Variants in THSD7A observed in about 807,000 individuals in gnomAD.
THSD7A encodes the protein thrombospondin type 1 domain containing 7A.
In THSD7A, 96 loss-of-function variants were observed where a neutral mutation model predicts 231.3. The observed-to-expected ratio is 0.41, with a 90% confidence interval of 0.35 to 0.49. THSD7A has a LOEUF of 0.49. THSD7A is among the 20% of genes least tolerant of loss of function. The pLI is 0.05. For missense variants in THSD7A, 2,290 were observed against 2,070.2 expected (o/e 1.11, Z -2.06); for synonymous variants, 940 against 743.3 (o/e 1.26, Z -4.30).
chr7:11,576,966 T>C (rs566437749), intron 4 of THSD7A, among the ~76,000 whole-genome samples: 92 of 152,314 alleles, frequency 6.0e-4, no homozygotes, highest in African/African-American at 2.2e-3. Context: ...GCGAGTATGC[T>C]TGCAATGAGT....
intron 2 of THSD7A, among the ~76,000 whole-genome samples, chr7:11,620,297 T>G (rs766705287): frequency 2.0e-5 from 3 of 152,218 alleles, no homozygotes; most frequent in Non-Finnish European, 4.4e-5. Context: ...TAGAAAAATT[T>G]CACAAACACT....
At position 11,390,599 on chromosome 7, in the gene THSD7A, G is replaced by A. The variant is rs544541819; in HGVS notation, c.4412-7983C>T. On this transcript the variant is annotated intron_variant, in intron 23 of 27. Transcript: ENST00000423059. ...GTTATTACCCACCTTCTGTCAATTC[G>A]TCAAACTTATTCTCTGTCCAGTTTT... Among the ~76,000 whole-genome samples the A allele has an allele frequency of 1.3e-3, 201 of 149,960 alleles. 1 individual carries two copies. The highest frequency in any genetic ancestry group is 0.01 in the Middle Eastern group (3 of 292).
intron 11 of THSD7A, among the ~76,000 whole-genome samples, chr7:11,449,340 T>G (rs2128295180): frequency 6.6e-6 from 1 of 152,200 alleles, no homozygotes; most frequent in South Asian, 2.1e-4. Flanking sequence ...CCAATCCAGA[T>G]AATGAGATAC....
chr7:11,382,466 T>C, intron 24 of THSD7A, 55 bp downstream of exon 24: 2 of 1,371,604 alleles, frequency 1.5e-6, no homozygotes, highest in Non-Finnish European at 2.1e-6. Context: ...CTTCAACCAA[T>C]CACATGTGTG....
chr7:11,412,853 T>C (rs1402371118), intron 17 of THSD7A, 53 bp from the exon 18 acceptor site: 10 of 1,570,558 alleles, frequency 6.4e-6, no homozygotes, highest in African/African-American at 5.4e-5. Context: ...GCTACACAAC[T>C]GGTATATTAG....
chr7:11,760,452 G>A (rs1782818008), intron 1 of THSD7A, among the ~76,000 whole-genome samples: 2 of 152,036 alleles, frequency 1.3e-5, no homozygotes, highest in African/African-American at 2.4e-5. Context: ...TCCTCATTAT[G>A]TGAATGTTCC....
At chr7:11,596,791 G>A (rs113963182) in intron 2 of THSD7A, among the ~76,000 whole-genome samples, 1,889 of 152,324 alleles carry the variant, frequency 0.012, 16 homozygotes, top group Non-Finnish European at 0.017. Context: ...AATTGCAGCT[G>A]CTATACCAGA....
At chr7:11,755,270 G>A (rs1782634465) in intron 1 of THSD7A, among the ~76,000 whole-genome samples, 2 of 152,050 alleles carry the variant, frequency 1.3e-5, no homozygotes, top group South Asian at 4.1e-4. Flanking sequence ...TATATGATAG[G>A]AAGACATTTC....
chr7:11,799,338 T>C (rs1226457098), intron 1 of THSD7A, among the ~76,000 whole-genome samples: 2 of 152,204 alleles, frequency 1.3e-5, no homozygotes, highest in Non-Finnish European at 2.9e-5. Context: ...TGGAGAAACT[T>C]CTTTAGCACT....
chr7:11,633,314 T>C (rs1243296645), intron 2 of THSD7A, among the ~76,000 whole-genome samples: 1 of 152,192 alleles, frequency 6.6e-6, no homozygotes, highest in African/African-American at 2.4e-5. Flanking sequence ...CTAGTGTATG[T>C]GTAGTGATTT....
intron 1 of THSD7A, among the ~76,000 whole-genome samples, chr7:11,760,451 T>C (rs1470222942): frequency 6.6e-6 from 1 of 152,122 alleles, no homozygotes; most frequent in African/African-American, 2.4e-5. Context: ...TTCCTCATTA[T>C]GTGAATGTTC....
At chr7:11,415,755 C>T (rs1783938336) in intron 17 of THSD7A, among the ~76,000 whole-genome samples, 1 of 152,158 alleles carries the variant, frequency 6.6e-6, no homozygotes, top group South Asian at 2.1e-4. Flanking sequence ...CTTCAGAAAA[C>T]CTCCTTGCTT....
intron 1 of THSD7A, among the ~76,000 whole-genome samples, chr7:11,777,055 TC>T (rs1783430553): frequency 6.6e-6 from 1 of 152,188 alleles, no homozygotes; most frequent in Non-Finnish European, 1.5e-5. Flanking sequence ...TTTATCATTT[TC>T]AAGAACAAAG....
At chr7:11,607,471 T>G (rs1439288116) in intron 2 of THSD7A, among the ~76,000 whole-genome samples, 1 of 152,164 alleles carries the variant, frequency 6.6e-6, no homozygotes, top group Non-Finnish European at 1.5e-5. Flanking sequence ...TCAATAAAAT[T>G]GTTCAACATT....
intron 13 of THSD7A, among the ~76,000 whole-genome samples, chr7:11,431,986 A>G (rs1013632729): frequency 1.3e-5 from 2 of 152,140 alleles, no homozygotes; most frequent in Non-Finnish European, 2.9e-5. Context: ...GGAAAGTCAG[A>G]CCACCTTTAA....
chr7:11,786,042 C>T (rs912028836), intron 1 of THSD7A, among the ~76,000 whole-genome samples: 1 of 152,048 alleles, frequency 6.6e-6, no homozygotes, highest in Non-Finnish European at 1.5e-5. Flanking sequence ...TTCTTCCTCC[C>T]TTCTCTTATA....
intron 6 of THSD7A, among the ~76,000 whole-genome samples, chr7:11,537,304 T>A (rs141222333): frequency 6.6e-6 from 1 of 152,162 alleles, no homozygotes; most frequent in Non-Finnish European, 1.5e-5. Context: ...GTCAATGATA[T>A]AGTTTGGATA....
At chr7:11,798,414 T>C (rs2128180488) in intron 1 of THSD7A, among the ~76,000 whole-genome samples, 1 of 151,312 alleles carries the variant, frequency 6.6e-6, no homozygotes, top group South Asian at 2.1e-4. Context: ...TAGGTTGCAG[T>C]GAGCTGAGAT....
Position 11,474,559 on chromosome 7 carries a change from C to T in THSD7A, c.2027G>A (p.Arg676His), listed in dbSNP as rs368915551. The T allele has an allele frequency of 1.6e-5, 26 of 1,585,094 alleles. No homozygotes were observed. The highest frequency in any genetic ancestry group is 1.1e-4 in the African/African-American group (8 of 74,338). ...LAYAGEEGGI[R>H]CPNSSALQEV... Reference sequence around the variant, plus strand: ...TTGCAAAGCACTGCTATTTGGACAGCGAATTCCACCTAAAAACATGGACAA... The same window carrying T: ...TTGCAAAGCACTGCTATTTGGACAGTGAATTCCACCTAAAAACATGGACAA... Residue 676 changes from arginine (R) to histidine (H), a missense_variant, in exon 8 of 28, where the codon CGC becomes CAC. Physicochemically the swap from Arg to His is conservative, Grantham distance 29 (BLOSUM62 0). Transcript: ENST00000423059. This position sits in a 1 kb window ranked among gnomAD's most constrained non-coding sequence, Gnocchi z 4.1.
Sources: gnomAD v4.1 joint callset for allele counts (sites outside exome capture counted in the v4.1 genomes callset) on GRCh38, gnomAD v4.1.1 for gene constraint, Gnocchi (gnomAD v3.1) non-coding constraint, MANE v1.5 for transcripts, NCBI Gene and HGNC (gene_info 2026-07-23, HGNC 2026-07-21) for gene names.